The following KCNQ1 variants were observed in gnomAD, a reference collection of about 807,000 sequenced individuals.
KCNQ1 encodes potassium voltage-gated channel subfamily KQT member 1.
A neutral mutation model predicts 72.4 loss-of-function variants in KCNQ1; 49 were observed. The ratio of observed to expected loss-of-function variants is 0.68; its 90% CI spans 0.54 to 0.86. The LOEUF (loss-of-function observed/expected upper bound fraction) is 0.86, where lower values mean the gene tolerates loss of function less well. KCNQ1 is among the 40% of genes least tolerant of loss of function. The pLI is 0.00. For synonymous variants in KCNQ1, 450 were observed against 412.6 expected, an observed-to-expected ratio of 1.09 and a Z score of -1.10; for missense variants, 790 against 945.1, an observed-to-expected ratio of 0.84 and a Z score of 2.15.
intron 15 of KCNQ1, among the ~76,000 whole-genome samples, chr11:2,820,470 T>C (rs186218916): frequency 1.3e-5 from 2 of 152,386 alleles, no homozygotes; most frequent in East Asian, 3.9e-4. Flanking sequence ...TGTGACCTTT[T>C]TGTATATGTG....
At chr11:2,520,365 G>A (rs746838472) in intron 1 of KCNQ1, among the ~76,000 whole-genome samples, 15 of 152,322 alleles carry the variant, frequency 9.8e-5, no homozygotes, top group Non-Finnish European at 1.6e-4. Flanking sequence ...CCTCGGTGTG[G>A]GCCAGGGCTC....
At chr11:2,688,684 C>T (rs1166739249) in intron 11 of KCNQ1, 7 of 398,990 alleles carry the variant, frequency 1.8e-5, no homozygotes, top group East Asian at 3.6e-5. Flanking sequence ...CCACACACCA[C>T]GTGCCTAGGC....
Position 2,464,089 on chromosome 11 carries a change from A to G in KCNQ1, c.386+18605A>G, listed in dbSNP as rs1846317528. Among the ~76,000 whole-genome samples the G allele has an allele frequency of 1.3e-5, 2 of 152,162 alleles. No individual in the cohort carries two copies. The highest frequency in any genetic ancestry group is 2.9e-5 in the Non-Finnish European group (2 of 68,024). Reference sequence around the variant, plus strand: ...CAGGGCCGGGATGTTTGCAGGACCCACGGGACAATTAGAACGACTGGGCCT... The same window carrying G: ...CAGGGCCGGGATGTTTGCAGGACCCGCGGGACAATTAGAACGACTGGGCCT... On this transcript the variant is annotated intron_variant, in intron 1 of 15. Transcript: ENST00000155840. The surrounding 1 kb of genome is among the most constrained non-coding windows in gnomAD (Gnocchi z 5.0).
At chr11:2,686,767 C>A in intron 11 of KCNQ1, 1 of 398,668 alleles carries the variant, frequency 2.5e-6, no homozygotes, top group Non-Finnish European at 4.4e-6. Flanking sequence ...AAATGTGCAT[C>A]CCCTGTGATA....
In KCNQ1 at chr11:2,445,283, C is replaced by T. The variant is rs1406594095; in HGVS notation, c.185C>T (p.Ala62Val). Residue 62 changes from alanine (A) to valine (V), a missense_variant, in exon 1 of 16, where the codon GCG becomes GTG. Transcript: ENST00000155840. Reference sequence around the variant, plus strand: ...ATCGCGCCCGGCGCCCCAGGTCCCGCGCCCCCTGCGTCCCCGGCCGCGCCC... The same window carrying T: ...ATCGCGCCCGGCGCCCCAGGTCCCGTGCCCCCTGCGTCCCCGGCCGCGCCC... ...APIAPGAPGP[A>V]PPASPAAPAA... is the part of the protein sequence containing the mutation. The T allele has an allele frequency of 3.0e-6, 4 of 1,314,100 alleles. No homozygotes were observed. The highest frequency in any genetic ancestry group is 3.9e-6 in the Non-Finnish European group (4 of 1,037,808). 81.4% of individuals were successfully genotyped at this position (1,314,100 alleles called of 1,614,324 possible).
intron 1 of KCNQ1, among the ~76,000 whole-genome samples, chr11:2,470,605 G>T (rs1846432602): frequency 1.3e-5 from 2 of 151,396 alleles, no homozygotes; most frequent in Non-Finnish European, 2.9e-5. Flanking sequence ...GAGGGGGTGT[G>T]ATGATACGTA....
intron 15 of KCNQ1, among the ~76,000 whole-genome samples, chr11:2,794,715 C>T (rs917541988): frequency 6.6e-6 from 1 of 152,172 alleles, no homozygotes; most frequent in Non-Finnish European, 1.5e-5. Context: ...TTCTGCTGGG[C>T]TGGACTGGAC....
intron 10 of KCNQ1, chr11:2,644,506 A>G (rs1015294790): frequency 1.5e-5 from 6 of 398,218 alleles, no homozygotes; most frequent in South Asian, 1.3e-4. Flanking sequence ...TGTATAGTCT[A>G]TCAGATCTTC....
intron 11 of KCNQ1, among the ~76,000 whole-genome samples, chr11:2,755,477 T>C (rs1334105038): frequency 6.6e-6 from 1 of 152,218 alleles, no homozygotes; most frequent in Non-Finnish European, 1.5e-5. Flanking sequence ...GGTCTTGAAC[T>C]CCTGGCCTTA....
At chr11:2,714,061 T>C (rs1005923296) in intron 11 of KCNQ1, among the ~76,000 whole-genome samples, 2 of 151,952 alleles carry the variant, frequency 1.3e-5, no homozygotes, top group East Asian at 2.0e-4. Flanking sequence ...TCCACAGAGA[T>C]AGAGCGCCAA....
At chr11:2,577,837 C>A (rs1306890339) in intron 6 of KCNQ1, among the ~76,000 whole-genome samples, 4 of 152,160 alleles carry the variant, frequency 2.6e-5, no homozygotes, top group Middle Eastern at 3.2e-3. Context: ...CTGGCCCCAC[C>A]CTTCTCTGTC....
Position 2,447,916 on chromosome 11 carries a change from C to T in KCNQ1, c.386+2432C>T, listed in dbSNP as rs1244107431. On this transcript the variant is annotated intron_variant, in intron 1 of 15. Coordinates refer to ENST00000155840, the MANE Select transcript of KCNQ1 (RefSeq NM_000218.3). This position sits in a 1 kb window ranked among gnomAD's most constrained non-coding sequence, Gnocchi z 7.6. Reference sequence around the variant, plus strand: ...ATATCCTGTCCCCTCCTCGGGGAACCCCCCCTCCCCAGGAGAGCAGCTCTT... The same window carrying T: ...ATATCCTGTCCCCTCCTCGGGGAACTCCCCCTCCCCAGGAGAGCAGCTCTT... Among the ~76,000 whole-genome samples, 2 of 152,250 alleles carry T rather than the reference C, an allele frequency of 1.3e-5. No individual in the cohort carries two copies. Among genetic ancestry groups the T allele is most frequent in the Admixed American group, 6.5e-5 (1 of 15,308 alleles).
chr11:2,733,247 C>T lies in KCNQ1; in HGVS notation c.1515-35597C>T, dbSNP rs368101156. 3.1e-4 allele frequency among the ~76,000 whole-genome samples: 44 copies of T among 140,838 alleles called. 1 individual carries two copies. The highest frequency in any genetic ancestry group is 1.1e-3 in the African/African-American group (41 of 39,040). 92.4% of individuals were successfully genotyped at this position (140,838 alleles called of 152,430 possible). A position where few individuals can be genotyped will look rare whatever the true frequency, so the allele number is the denominator to read the frequency against. On this transcript the variant is annotated intron_variant, in intron 11 of 15. Coordinates refer to ENST00000155840, the MANE Select transcript of KCNQ1 (RefSeq NM_000218.3). ...AGGCCTCTCTCTGCCTTCCCTAGTG[C>T]TCCTTTGTGTGTCCAGAGGGAAGGG...
At position 2,700,198 on chromosome 11, in the gene KCNQ1, C is replaced by A. The variant is rs189016041; in HGVS notation, c.1514+38117C>A. ...GCCACCCGGGCTCAGATTGGCCCAG[C>A]GGGTCCAGCGCCGCATGAGGCACTG... On this transcript the variant is annotated intron_variant, in intron 11 of 15. Transcript: ENST00000155840. 8.5e-5 allele frequency among the ~76,000 whole-genome samples: 13 copies of A among 152,320 alleles called. No homozygotes were observed. The East Asian group carries it at 2.3e-3, about 27-fold the overall frequency.
At chr11:2,545,528 G>GTTATATTCAGGTGATTGATAA (rs1384017843) in intron 2 of KCNQ1, among the ~76,000 whole-genome samples, 1 of 152,072 alleles carries the variant, frequency 6.6e-6, no homozygotes, top group Non-Finnish European at 1.5e-5. Flanking sequence ...ATTGATAATA[G>GTTATATTCAGGTGATTGATAA]TTATATTCAG....
chr11:2,758,433 G>T (rs1006461320), intron 11 of KCNQ1, among the ~76,000 whole-genome samples: 3 of 152,212 alleles, frequency 2.0e-5, no homozygotes, highest in Non-Finnish European at 4.4e-5. Context: ...GGAGAAACGG[G>T]ATTGCCCATC....
At chr11:2,777,751 CGT>C in intron 14 of KCNQ1, 1 of 620,818 alleles carries the variant, frequency 1.6e-6, no homozygotes, top group East Asian at 2.7e-5. Flanking sequence ...AGGTGGAGAG[CGT>C]GGAGCAGGAT....
chr11:2,517,477 G>A (rs1041553783), intron 1 of KCNQ1, among the ~76,000 whole-genome samples: 2 of 152,168 alleles, frequency 1.3e-5, no homozygotes, highest in African/African-American at 2.4e-5. Context: ...TTGAGTCCCC[G>A]CTGCGTCACT....
chr11:2,728,552 A>G (rs537829185), intron 11 of KCNQ1, among the ~76,000 whole-genome samples: 2 of 152,350 alleles, frequency 1.3e-5, no homozygotes, highest in South Asian at 2.1e-4. Flanking sequence ...AGGAGATTCT[A>G]AAACACTCTG....
Sources: allele counts gnomAD v4.1 joint callset (sites outside exome capture counted in the v4.1 genomes callset), GRCh38; gene constraint gnomAD v4.1.1; non-coding constraint Gnocchi (gnomAD v3.1); transcripts MANE v1.5; gene names NCBI Gene and HGNC (gene_info 2026-07-23, HGNC 2026-07-21).